NPLOC4: variants seen among roughly 807,000 people sequenced by gnomAD.
NPLOC4 encodes NPL4 homolog, ubiquitin recognition factor.
Under a neutral mutation model 80.6 loss-of-function variants are expected in NPLOC4, and 18 were observed. That is an observed-to-expected ratio of 0.22 (90% CI 0.15 to 0.33). The LOEUF is 0.33. Ranked by LOEUF, NPLOC4 falls within the 10% of genes least tolerant of loss-of-function variation. The pLI is 1.00. For missense variants in NPLOC4, 540 were observed against 786.1 expected (o/e 0.69, Z 3.74); for synonymous variants, 313 against 301.5 (o/e 1.04, Z -0.39).
intron 4 of NPLOC4, among the ~76,000 whole-genome samples, chr17:81,611,707 T>C (rs1181371639): frequency 1.3e-5 from 2 of 149,720 alleles, no homozygotes; most frequent in Non-Finnish European, 3.0e-5. Context: ...CGCCCTGTAA[T>C]CCCAGCACTT....
At chr17:81,634,161 C>CA (rs1313212400) in intron 1 of NPLOC4, among the ~76,000 whole-genome samples, 1 of 151,748 alleles carries the variant, frequency 6.6e-6, no homozygotes, top group Non-Finnish European at 1.5e-5. Context: ...CGTGAGCCAC[C>CA]ACGCCCTAAT....
chr17:81,612,895 A>C (rs1174546833), intron 4 of NPLOC4: 2 of 157,044 alleles, frequency 1.3e-5, no homozygotes, highest in Non-Finnish European at 2.8e-5. Context: ...GAGACACAGC[A>C]CTCACCTCAC....
In NPLOC4 at chr17:81,559,394, T is replaced by C. The variant is rs779743562; in HGVS notation, c.1692A>G (p.Pro564=). Residue 564 remains proline (P), a synonymous_variant, in exon 17 of 17, where the codon CCA becomes CCG. Transcript: ENST00000331134. ...CGACGGCGCCGTACTCATGGAGACC[T>C]GGGAGCTGCCCGCCAACTGTGCCTG... ...QLCSTVGGQL[P]GLHEYGAVGG... 3 of 1,610,574 alleles carry C rather than the reference T, an allele frequency of 1.9e-6. No homozygotes were observed. Among genetic ancestry groups the C allele is most frequent in the Non-Finnish European group, 2.5e-6 (3 of 1,178,658 alleles).
chr17:81,611,647 G>A (rs1380783854), intron 4 of NPLOC4, among the ~76,000 whole-genome samples: 1 of 151,636 alleles, frequency 6.6e-6, no homozygotes, highest in Non-Finnish European at 1.5e-5. Context: ...ACTGCGCCTG[G>A]CCAAGTCCAT....
chr17:81,605,063 A>G (rs1013845943), intron 7 of NPLOC4, among the ~76,000 whole-genome samples: 30 of 151,240 alleles, frequency 2.0e-4, no homozygotes, highest in African/African-American at 7.3e-4. Flanking sequence ...GATCAAGACC[A>G]TCCTGACCAA....
At chr17:81,633,454 C>G (rs1263734181) in intron 1 of NPLOC4, among the ~76,000 whole-genome samples, 1 of 152,182 alleles carries the variant, frequency 6.6e-6, no homozygotes, top group Non-Finnish European at 1.5e-5. Flanking sequence ...TCCTCTACCA[C>G]AGAAGATGGG....
intron 2 of NPLOC4, among the ~76,000 whole-genome samples, chr17:81,627,663 G>A (rs1336218874): frequency 6.6e-6 from 1 of 152,076 alleles, no homozygotes; most frequent in Non-Finnish European, 1.5e-5. Flanking sequence ...TTGAACCCGG[G>A]AGGCTGAGGC....
At position 81,559,269 on chromosome 17, in the gene NPLOC4, G is replaced by C. The variant is rs1278855236; in HGVS notation, c.1817C>G (p.Pro606Arg). Residue 606 changes from proline (P) to arginine (R), a missense_variant, in exon 17 of 17, where the codon CCC (proline) becomes CGC (arginine). By Grantham distance (103) the Pro-to-Arg change is moderately radical. This residue lies in a region of NPLOC4 where 87 missense variants were observed against 70.3 expected (regional missense o/e 1.24). Transcript: ENST00000331134. ...GTGHCEMCSL[P>R]RT is the part of the protein sequence containing the mutation. ...CAGAGGGCAGGCGCCCTAGGTCCTG[G>C]GGAGGCTGCACATCTCGCAGTGGCC... 1.9e-6 allele frequency: 3 copies of C among 1,602,896 alleles called. No homozygotes were observed. Among genetic ancestry groups the C allele is most frequent in the Non-Finnish European group, 2.6e-6 (3 of 1,175,516 alleles).
At chr17:81,610,329 T>C (rs2144241812) in intron 4 of NPLOC4, 71 bp from the exon 5 acceptor site, 2 of 1,377,062 alleles carry the variant, frequency 1.5e-6, no homozygotes, top group South Asian at 1.2e-5. Context: ...CTGTCTCACA[T>C]GCACGTCCTA....
At chr17:81,573,823 C>A (rs919103316) in intron 12 of NPLOC4, among the ~76,000 whole-genome samples, 1 of 152,218 alleles carries the variant, frequency 6.6e-6, no homozygotes, top group Non-Finnish European at 1.5e-5. Flanking sequence ...CTCCCCGCCC[C>A]ATCAAAGGCT....
At chr17:81,610,675 GGGC>G (rs1157261952) in intron 4 of NPLOC4, among the ~76,000 whole-genome samples, 32,233 of 84,630 alleles carry the variant, frequency 0.38, 7,551 homozygotes, top group Non-Finnish European at 0.52. Context: ...AAACCAGGCC[GGGC>G]GCGGTGGCTC....
intron 7 of NPLOC4, 114 bp downstream of exon 7, chr17:81,606,577 G>A: frequency 9.1e-7 from 1 of 1,096,262 alleles, no homozygotes; most frequent in Non-Finnish European, 1.3e-6. Flanking sequence ...CCATCAAAAA[G>A]TACTGAAAAT....
At chr17:81,591,470 A>AAAAAAAG (rs2034742493) in intron 11 of NPLOC4, among the ~76,000 whole-genome samples, 1 of 148,302 alleles carries the variant, frequency 6.7e-6, no homozygotes, top group Non-Finnish European at 1.5e-5. Context: ...AAAAAAAAAA[A>AAAAAAAG]AACCTGCTCT....
In NPLOC4 at chr17:81,604,731, T is replaced by A; in HGVS notation, c.655-4A>T. On this transcript the variant is annotated splice_polypyrimidine_tract_variant and splice_region_variant and intron_variant, in intron 7 of 16. Coordinates refer to ENST00000331134, the MANE Select transcript of NPLOC4 (RefSeq NM_017921.4). ...TATTGTCCACATGCCTGTACTTCTG[T>A]AGAGTTAACAAGAGTGGGCTGATGA... The A allele has an allele frequency of 3.1e-6, 5 of 1,610,394 alleles. No homozygotes were observed. Among genetic ancestry groups the A allele is most frequent in the Non-Finnish European group, 4.2e-6 (5 of 1,178,150 alleles).
At chr17:81,621,911 A>G (rs1391435046) in intron 3 of NPLOC4, among the ~76,000 whole-genome samples, 1 of 152,210 alleles carries the variant, frequency 6.6e-6, no homozygotes, top group Non-Finnish European at 1.5e-5. Context: ...GTACATGGAC[A>G]AAGACAATAA....
intron 12 of NPLOC4, among the ~76,000 whole-genome samples, chr17:81,583,618 C>T (rs1598633996): frequency 6.6e-6 from 1 of 152,286 alleles, no homozygotes. Context: ...CACCCATATG[C>T]TTTCCTAAAA....
chr17:81,624,379 T>A (rs192983390), intron 2 of NPLOC4, among the ~76,000 whole-genome samples: 106 of 152,072 alleles, frequency 7.0e-4, no homozygotes, highest in African/African-American at 2.5e-3. Context: ...GATGGCGCCA[T>A]TGCACTCCAG....
At chr17:81,604,519 C>G in intron 8 of NPLOC4, 29 bp downstream of exon 8, 2 of 1,602,610 alleles carry the variant, frequency 1.2e-6, no homozygotes, top group East Asian at 4.5e-5. Context: ...AACACAGAAA[C>G]TCAGGAACTT....
At chr17:81,621,068 GA>G (rs372137359) in intron 3 of NPLOC4, among the ~76,000 whole-genome samples, 6 of 149,504 alleles carry the variant, frequency 4.0e-5, no homozygotes, top group Middle Eastern at 3.5e-3. Flanking sequence ...AGGAAGGAAG[GA>G]AGTATCAAGA....
Sources: allele counts gnomAD v4.1 joint callset (sites outside exome capture counted in the v4.1 genomes callset), GRCh38; gene constraint gnomAD v4.1.1; regional missense constraint gnomAD v4.1.1; transcripts MANE v1.5; gene names NCBI Gene and HGNC (gene_info 2026-07-23, HGNC 2026-07-21).